MUSK: variants seen among roughly 807,000 people sequenced by gnomAD.
The protein encoded by MUSK is muscle, skeletal receptor tyrosine-protein kinase.
A neutral mutation model predicts 88.7 loss-of-function variants in MUSK; 55 were observed. That is an observed-to-expected ratio of 0.62 (90% CI 0.50 to 0.78). The LOEUF (loss-of-function observed/expected upper bound fraction) is 0.78, where lower values mean the gene tolerates loss of function less well. Ranked by LOEUF, MUSK falls within the 30% of genes least tolerant of loss-of-function variation. The pLI is 0.00. For synonymous variants in MUSK, 387 were observed against 391.9 expected, an observed-to-expected ratio of 0.99 and a Z score of 0.15; for missense variants, 1,015 against 1,074.3, an observed-to-expected ratio of 0.94 and a Z score of 0.77.
At chr9:110,703,275 G>A (rs2076554760) in intron 5 of MUSK, among the ~76,000 whole-genome samples, 2 of 152,096 alleles carry the variant, frequency 1.3e-5, no homozygotes, top group South Asian at 4.1e-4. Flanking sequence ...AGTGACTCAC[G>A]CCTGTAATCC....
chr9:110,755,451 A>C (rs1313568412), intron 7 of MUSK, among the ~76,000 whole-genome samples: 1 of 152,200 alleles, frequency 6.6e-6, no homozygotes, highest in Non-Finnish European at 1.5e-5. Flanking sequence ...TGACAGGTAC[A>C]CAGAGAAAAT....
chr9:110,669,046 G>A, intron 1 of MUSK, 63 bp downstream of exon 1: 1 of 1,397,752 alleles, frequency 7.2e-7, no homozygotes, highest in Non-Finnish European at 1.0e-6. Context: ...GTGTATATGA[G>A]ATATGACCAA....
At chr9:110,671,262 G>A (rs972938004) in intron 1 of MUSK, among the ~76,000 whole-genome samples, 4 of 152,142 alleles carry the variant, frequency 2.6e-5, no homozygotes, top group Admixed American at 1.3e-4. Flanking sequence ...GAGCCACTGC[G>A]CCAGCCATTA....
chr9:110,701,652 ATTT>A (rs2076502034), intron 5 of MUSK, among the ~76,000 whole-genome samples: 1 of 10,802 alleles, frequency 9.3e-5, no homozygotes, highest in Admixed American at 5.5e-4. Context: ...GTGCTCAGCT[ATTT>A]ATTTTATTTA....
At position 110,679,941 on chromosome 9, in the gene MUSK, G is replaced by A. The variant is rs2076086364; in HGVS notation, c.80-2733G>A. Among the ~76,000 whole-genome samples the A allele has an allele frequency of 2.0e-5, 3 of 151,922 alleles. No individual in the cohort carries two copies. In the South Asian group the frequency reaches 6.2e-4, roughly 32 times the overall value. ...ACTCTTTTTAAACACAAAAATTTGT[G>A]ATTTTTTAATATTCCATAGTGTGTT... On this transcript the variant is annotated intron_variant, in intron 1 of 14. Transcript: ENST00000374448.
At chr9:110,767,146 G>A (rs1344386841) in intron 8 of MUSK, among the ~76,000 whole-genome samples, 1 of 152,190 alleles carries the variant, frequency 6.6e-6, no homozygotes, top group Non-Finnish European at 1.5e-5. Flanking sequence ...AGATCACTGA[G>A]GCACTGGGTG....
At chr9:110,708,318 C>A in intron 5 of MUSK, among the ~76,000 whole-genome samples, 1 of 152,172 alleles carries the variant, frequency 6.6e-6, no homozygotes, top group South Asian at 2.1e-4. Context: ...TTTGTTTATG[C>A]TGCAGCTCTT....
Position 110,775,838 on chromosome 9 carries a change from T to C in MUSK, c.1235T>C (p.Val412Ala), listed in dbSNP as rs755376495. Residue 412 changes from valine (V) to alanine (A), a missense_variant, in exon 10 of 15, where the codon GTA becomes GCA. Coordinates refer to ENST00000374448, the MANE Select transcript of MUSK (RefSeq NM_005592.4). ...CTCTTCTGCGCAAAAGAATGGCTGG[T>C]AATGGAAGAGAAGACCCACAGAGGA... ...KELFCAKEWL[V>A]MEEKTHRGLY... The C allele has an allele frequency of 6.2e-7, 1 of 1,613,526 alleles. No homozygotes were observed. The highest frequency in any genetic ancestry group is 8.5e-7 in the Non-Finnish European group (1 of 1,179,816).
At chr9:110,775,035 C>T (rs576628144) in intron 9 of MUSK, among the ~76,000 whole-genome samples, 1 of 152,202 alleles carries the variant, frequency 6.6e-6, no homozygotes, top group South Asian at 2.1e-4. Flanking sequence ...CAGGTTTTTC[C>T]TATGCAGTTT....
At position 110,768,101 on chromosome 9, in the gene MUSK, A is replaced by C. The variant is rs767542639; in HGVS notation, c.1184+18A>C. 6.3e-7 allele frequency: 1 copy of C among 1,578,274 alleles called. No individual in the cohort carries two copies. Among genetic ancestry groups the C allele is most frequent in the Non-Finnish European group, 8.6e-7 (1 of 1,161,294 alleles). On this transcript the variant is annotated intron_variant, in intron 9 of 14. Coordinates refer to ENST00000374448, the MANE Select transcript of MUSK (RefSeq NM_005592.4). ...ATTTGCAGGTAAAATCTCAAAAATA[A>C]GTCAAAGGAAAAATTCCATTTTTCT...
At chr9:110,741,106 A>G (rs2077092024) in intron 6 of MUSK, among the ~76,000 whole-genome samples, 1 of 152,118 alleles carries the variant, frequency 6.6e-6, no homozygotes, top group Non-Finnish European at 1.5e-5. Flanking sequence ...GCGCACTTGA[A>G]ATTTGCTAAG....
rs768045579 is a variant in MUSK at position 110,734,215 on chromosome 9, C to T, written c.629-36C>T. On this transcript the variant is annotated intron_variant, in intron 5 of 14. Coordinates refer to ENST00000374448, the MANE Select transcript of MUSK (RefSeq NM_005592.4). ...ACCACCCTAGCTTGACCATTTCCTG[C>T]AGGAGCGTCACTCACCACTTCTGTC... The T allele has an allele frequency of 3.2e-6, 5 of 1,586,352 alleles. No homozygotes were observed. In the African/African-American group the frequency reaches 5.4e-5, roughly 17 times the overall value.
chr9:110,745,759 C>A (rs533691351), intron 6 of MUSK, among the ~76,000 whole-genome samples: 1 of 152,220 alleles, frequency 6.6e-6, no homozygotes, highest in Admixed American at 6.5e-5. Flanking sequence ...GGGGAAAATG[C>A]CACAATACTT....
At chr9:110,751,244 C>A (rs1192696978) in intron 7 of MUSK, among the ~76,000 whole-genome samples, 2 of 152,192 alleles carry the variant, frequency 1.3e-5, no homozygotes, top group African/African-American at 4.8e-5. Context: ...CCTGATCCAA[C>A]TCCATAAACG....
At chr9:110,729,369 C>A (rs1195861643) in intron 5 of MUSK, among the ~76,000 whole-genome samples, 2 of 142,582 alleles carry the variant, frequency 1.4e-5, no homozygotes, top group African/African-American at 5.1e-5. Flanking sequence ...AAAAAAGGTA[C>A]CTTGCATTCT....
At chr9:110,706,301 C>T in intron 5 of MUSK, 1 of 305,472 alleles carries the variant, frequency 3.3e-6, no homozygotes, top group Non-Finnish European at 6.5e-6. Flanking sequence ...TGAGATGATG[C>T]CACCTAGCCT....
intron 8 of MUSK, 85 bp from the exon 9 acceptor site, chr9:110,767,735 T>C: frequency 7.4e-6 from 11 of 1,490,566 alleles, no homozygotes; most frequent in Non-Finnish European, 1.0e-5. Flanking sequence ...GAGACACAGA[T>C]GTGAAAACCA....
intron 2 of MUSK, among the ~76,000 whole-genome samples, chr9:110,684,565 T>C (rs6477786): frequency 0.7 from 106,056 of 151,786 alleles, 38,479 homozygotes; most frequent in African/African-American, 0.87. Flanking sequence ...AGACTGCTTT[T>C]GGTAGTATGA....
chr9:110,769,189 C>T (rs981379523), intron 9 of MUSK, among the ~76,000 whole-genome samples: 8 of 152,260 alleles, frequency 5.3e-5, no homozygotes, highest in African/African-American at 1.9e-4. Context: ...ACAACCAACA[C>T]AGCACATTTC....
Sources: allele counts gnomAD v4.1 joint callset (sites outside exome capture counted in the v4.1 genomes callset), GRCh38; gene constraint gnomAD v4.1.1; transcripts MANE v1.5; gene names NCBI Gene and HGNC (gene_info 2026-07-23, HGNC 2026-07-21).